Variants in ZNHIT6 observed in about 807,000 individuals in gnomAD.
The protein encoded by ZNHIT6 is box C/D snoRNA protein 1.
ZNHIT6 carries 45 observed loss-of-function variants against 57.2 expected under a neutral mutation model. The observed-to-expected ratio is 0.79, with a 90% CI of 0.62 to 1.01. The LOEUF (loss-of-function observed/expected upper bound fraction) is 1.01, where lower values mean the gene tolerates loss of function less well. Ranked by LOEUF, ZNHIT6 falls within the 50% of genes least tolerant of loss-of-function variation. The pLI is 0.00. For synonymous variants in ZNHIT6, 188 were observed against 190.0 expected (o/e 0.99, Z 0.09); for missense variants, 528 against 567.3 (o/e 0.93, Z 0.70).
chr1:85,703,958 G>A (rs1476478128), intron 4 of ZNHIT6, among the ~76,000 whole-genome samples: 3 of 151,936 alleles, frequency 2.0e-5, no homozygotes, highest in African/African-American at 7.3e-5. Flanking sequence ...GAAAAGATGA[G>A]CAAAAGACTT....
intron 9 of ZNHIT6, among the ~76,000 whole-genome samples, chr1:85,657,517 A>G (rs1338794547): frequency 6.6e-6 from 1 of 151,766 alleles, no homozygotes; most frequent in East Asian, 1.9e-4. Context: ...TATGGAGTAA[A>G]TGTACGTGAT....
At chr1:85,670,665 T>C (rs1255044542) in intron 8 of ZNHIT6, among the ~76,000 whole-genome samples, 2 of 152,188 alleles carry the variant, frequency 1.3e-5, no homozygotes, top group Non-Finnish European at 2.9e-5. Flanking sequence ...CAAAACACTT[T>C]TAAGGTTCTA....
At chr1:85,695,124 C>T (rs1207664105) in intron 5 of ZNHIT6, among the ~76,000 whole-genome samples, 1 of 151,954 alleles carries the variant, frequency 6.6e-6, no homozygotes, top group Non-Finnish European at 1.5e-5. Context: ...AATTAGCTGG[C>T]ATGGTGGCAG....
At position 85,666,574 on chromosome 1, in the gene ZNHIT6, G is replaced by A. The variant is rs539609059; in HGVS notation, c.1248-8603C>T. ...TAACCTTCTCAGGTTGAAAGCTACC[G>A]AGACCTCAATAGTTGAGCTTATATC... On this transcript the variant is annotated intron_variant, in intron 8 of 9. Transcript: ENST00000370574. Among the ~76,000 whole-genome samples the A allele has an allele frequency of 5.3e-5, 8 of 152,108 alleles. No individual in the cohort carries two copies. In the South Asian group the frequency reaches 1.5e-3, roughly 28 times the overall value.
chr1:85,667,995 TC>T (rs2100660831), intron 8 of ZNHIT6, among the ~76,000 whole-genome samples: 1 of 120,592 alleles, frequency 8.3e-6, no homozygotes, highest in African/African-American at 3.2e-5. Context: ...TGCTCTGCTT[TC>T]TAAGTTAGAA....
intron 5 of ZNHIT6, among the ~76,000 whole-genome samples, chr1:85,691,975 C>T (rs1247747746): frequency 6.6e-6 from 1 of 152,128 alleles, no homozygotes; most frequent in Non-Finnish European, 1.5e-5. Context: ...TCAAGACCAG[C>T]CTGGCCAACA....
chr1:85,657,651 A>G (rs1305784042), intron 9 of ZNHIT6, among the ~76,000 whole-genome samples, 196 bp downstream of exon 9: 1 of 152,152 alleles, frequency 6.6e-6, no homozygotes, highest in Non-Finnish European at 1.5e-5. Flanking sequence ...TTGGTTTTAT[A>G]AGATTATACG....
At chr1:85,680,588 T>C (rs189994925) in intron 6 of ZNHIT6, among the ~76,000 whole-genome samples, 1 of 152,326 alleles carries the variant, frequency 6.6e-6, no homozygotes, top group Admixed American at 6.5e-5. Flanking sequence ...TTTCTGGCTT[T>C]TTTCCCCCAT....
intron 7 of ZNHIT6, 21 bp from the exon 8 acceptor site, chr1:85,677,334 T>C (rs1458878823): frequency 6.3e-7 from 1 of 1,586,400 alleles, no homozygotes; most frequent in Non-Finnish European, 8.6e-7. Flanking sequence ...AACATCATAT[T>C]GAAGGAAAAG....
intron 8 of ZNHIT6, among the ~76,000 whole-genome samples, chr1:85,665,237 G>A (rs1661337733): frequency 6.6e-6 from 1 of 151,868 alleles, no homozygotes; most frequent in African/African-American, 2.4e-5. Context: ...CAATTTTATT[G>A]AGGTATAATT....
Position 85,677,457 on chromosome 1 carries a change from C to T in ZNHIT6, c.1170-144G>A, listed in dbSNP as rs1341353169. The T allele has an allele frequency of 8.9e-6, 5 of 563,488 alleles. No homozygotes were observed. In the East Asian group the frequency reaches 1.7e-4, roughly 19 times the overall value. The allele number at this position is 563,488 out of a possible 1,614,324, so 34.9% of individuals were successfully genotyped here. A position where few individuals can be genotyped will look rare whatever the true frequency, so the allele number is the denominator to read the frequency against. ...AAAAGGAGATAAAGATGTTTTCTAA[C>T]CAGAAATCTGAAAAGAAAATAATTT... is the stretch of plus-strand genomic sequence containing the variant. On this transcript the variant is annotated intron_variant, in intron 7 of 9. Coordinates refer to ENST00000370574, the MANE Select transcript of ZNHIT6 (RefSeq NM_017953.4).
At position 85,706,171 on chromosome 1, in the gene ZNHIT6, T is replaced by A. The variant is rs1318452743; in HGVS notation, c.830-8A>T. The A allele has an allele frequency of 6.2e-7, 1 of 1,613,168 alleles. No homozygotes were observed. Among genetic ancestry groups the A allele is most frequent in the Non-Finnish European group, 8.5e-7 (1 of 1,179,518 alleles). On this transcript the variant is annotated splice_polypyrimidine_tract_variant and splice_region_variant and intron_variant, in intron 3 of 9. Coordinates refer to ENST00000370574, the MANE Select transcript of ZNHIT6 (RefSeq NM_017953.4). ...CTTCCAAAAATCGATAATCTAAAAA[T>A]TTCAAAACAGAAGAATAAACAAGTG...
At position 85,667,961 on chromosome 1, in the gene ZNHIT6, A is replaced by AAAAAAAAAAAAAAAAAAAAAAATGTAT; in HGVS notation, c.1247+9274_1247+9275insATACATTTTTTTTTTTTTTTTTTTTTT. Among the ~76,000 whole-genome samples the AAAAAAAAAAAAAAAAAAAAAAATGTAT allele has an allele frequency of 1.1e-4, 2 of 18,200 alleles. 1 individual carries two copies. The highest frequency in any genetic ancestry group is 4.2e-4 in the African/African-American group (2 of 4,710). 11.9% of individuals were successfully genotyped at this position (18,200 alleles called of 152,430 possible). On this transcript the variant is annotated intron_variant, in intron 8 of 9. Coordinates refer to ENST00000370574, the MANE Select transcript of ZNHIT6 (RefSeq NM_017953.4). ...ACTCTCTCTTTCAAAAAAAAAAAAA[A>AAAAAAAAAAAAAAAAAAAAAAATGTAT]ATATATATATATATATATATATATG... is the stretch of plus-strand genomic sequence containing the variant.
intron 5 of ZNHIT6, among the ~76,000 whole-genome samples, chr1:85,687,548 T>C (rs1275419975): frequency 1.3e-5 from 2 of 152,044 alleles, no homozygotes; most frequent in Non-Finnish European, 2.9e-5. Context: ...TAAAAAACAG[T>C]GAATTGAAGG....
At chr1:85,682,773 T>C (rs1016217031) in intron 5 of ZNHIT6, among the ~76,000 whole-genome samples, 3 of 152,204 alleles carry the variant, frequency 2.0e-5, no homozygotes, top group Non-Finnish European at 4.4e-5. Flanking sequence ...AATGCACCCA[T>C]ATTCAGATTT....
At chr1:85,654,724 T>G (rs1182686928) in intron 9 of ZNHIT6, among the ~76,000 whole-genome samples, 2 of 152,196 alleles carry the variant, frequency 1.3e-5, no homozygotes, top group East Asian at 3.9e-4. Flanking sequence ...ATTCTGCCTT[T>G]TAGTGTTTTT....
intron 5 of ZNHIT6, among the ~76,000 whole-genome samples, chr1:85,686,103 A>C (rs1022698216): frequency 3.3e-4 from 50 of 152,074 alleles, no homozygotes; most frequent in Middle Eastern, 6.8e-3. Flanking sequence ...TTGGGACTAC[A>C]GGTGCCCGCC....
chr1:85,657,878 T>A lies in ZNHIT6; in HGVS notation c.1341A>T (p.Gly447=). The A allele has an allele frequency of 6.2e-7, 1 of 1,608,590 alleles. No individual in the cohort carries two copies. The highest frequency in any genetic ancestry group is 1.1e-5 in the South Asian group (1 of 89,596). ...GAAGAACTTTCATGTCATTATTGGA[T>A]CCTTTCAATACCACATGTAATGTTG... ...EYPTLHVVLK[G]SNNDMKVLHQ... The change falls in exon 9 of 10, where the codon GGA becomes GGT. Residue 447 remains glycine, a synonymous_variant. Transcript: ENST00000370574.
rs765716225 is a variant in ZNHIT6, at chr1:85,657,838, T to C, written c.1372+9A>G. 3 of 1,605,654 alleles carry C rather than the reference T, an allele frequency of 1.9e-6. No homozygotes were observed. The highest frequency in any genetic ancestry group is 2.5e-6 in the Non-Finnish European group (3 of 1,177,330). ...ATTCTAAGCATTACAGAAACAAATTTACACTTACCTTGGTGAAGAACTTTC... is the reference window on the plus strand; with the variant it reads ...ATTCTAAGCATTACAGAAACAAATTCACACTTACCTTGGTGAAGAACTTTC... On this transcript the variant is annotated intron_variant, in intron 9 of 9. Coordinates refer to ENST00000370574, the MANE Select transcript of ZNHIT6 (RefSeq NM_017953.4).
Sources: gnomAD v4.1 joint callset for allele counts (sites outside exome capture counted in the v4.1 genomes callset) on GRCh38, gnomAD v4.1.1 for gene constraint, MANE v1.5 for transcripts, NCBI Gene and HGNC (gene_info 2026-07-23, HGNC 2026-07-21) for gene names.